MATN2: variants seen among roughly 807,000 people sequenced by gnomAD.
MATN2 encodes the protein matrilin-2.
A neutral mutation model predicts 103.2 loss-of-function variants in MATN2; 69 were observed. That is an observed-to-expected ratio of 0.67 (90% CI 0.55 to 0.82). The LOEUF (loss-of-function observed/expected upper bound fraction) is 0.82, where lower values mean the gene tolerates loss of function less well. MATN2 is among the 40% of genes least tolerant of loss of function. The pLI is 0.00. For missense variants in MATN2, 1,023 were observed against 1,211.5 expected (o/e 0.84, Z 2.31); for synonymous variants, 429 against 450.2 (o/e 0.95, Z 0.60).
intron 2 of MATN2, 114 bp from the exon 3 acceptor site, chr8:97,930,839 C>T (rs1810157534): frequency 1.5e-6 from 1 of 655,910 alleles, no homozygotes; most frequent in South Asian, 2.0e-5. Flanking sequence ...CCAGGCTGGT[C>T]TTGAATTCCT....
intron 2 of MATN2, among the ~76,000 whole-genome samples, chr8:97,924,477 A>G (rs17828957): frequency 0.033 from 5,075 of 152,098 alleles, 112 homozygotes; most frequent in Non-Finnish European, 0.041. Context: ...TCTGAAATCA[A>G]TTTTCCTGGG....
chr8:97,916,190 G>A (rs1022123524), intron 2 of MATN2, among the ~76,000 whole-genome samples: 2 of 151,754 alleles, frequency 1.3e-5, no homozygotes, highest in Admixed American at 6.6e-5. Flanking sequence ...ATGCCTCAGC[G>A]TCCCAAGTAG....
In MATN2 at chr8:97,952,916, A is replaced by ATTTT. The variant is rs71570276; in HGVS notation, c.836-8471_836-8468dup. 2.6e-3 allele frequency among the ~76,000 whole-genome samples: 250 copies of ATTTT among 96,100 alleles called. 6 individuals are homozygous for ATTTT. The highest frequency in any genetic ancestry group is 3.8e-3 in the African/African-American group (93 of 24,472). 63.0% of individuals were successfully genotyped at this position (96,100 alleles called of 152,430 possible). A position where few individuals can be genotyped will look rare whatever the true frequency, so the allele number is the denominator to read the frequency against. ...GGATCTAATATTCATGTTTGTAGGG[A>ATTTT]TTTTTTTTTTTTTTTTTTTTTTTTG... On this transcript the variant is annotated intron_variant, in intron 4 of 18. Coordinates refer to ENST00000254898, the MANE Select transcript of MATN2 (RefSeq NM_002380.5).
chr8:98,022,974 G>C (rs1813657728), intron 13 of MATN2, among the ~76,000 whole-genome samples: 1 of 152,198 alleles, frequency 6.6e-6, no homozygotes, highest in South Asian at 2.1e-4. Flanking sequence ...TATAATCCCA[G>C]CTACTCAAGA....
chr8:97,898,597 C>CAAAAAAA (rs1272617710), intron 2 of MATN2, among the ~76,000 whole-genome samples: 1 of 92,196 alleles, frequency 1.1e-5, no homozygotes, highest in East Asian at 3.3e-4. Context: ...AACTCCTTCT[C>CAAAAAAA]AAAAAAAAAA....
chr8:97,996,036 T>G (rs77348914), intron 7 of MATN2, among the ~76,000 whole-genome samples: 6,849 of 152,282 alleles, frequency 0.045, 501 homozygotes, highest in African/African-American at 0.15. Context: ...AGGGACTGGC[T>G]GCACCCAGGG....
In MATN2 at chr8:98,032,434, C is replaced by CT; in HGVS notation, c.2581+123dup. The CT allele has an allele frequency of 6.8e-6, 5 of 731,402 alleles. No homozygotes were observed. In the Admixed American group the frequency reaches 1.1e-4, roughly 16 times the overall value. 45.3% of individuals were successfully genotyped at this position (731,402 alleles called of 1,614,324 possible). On this transcript the variant is annotated intron_variant, in intron 16 of 18. Transcript: ENST00000254898. ...ATGTTCAAATTATGATAATGAAGGC[C>CT]TTTTTTCCCTCAAAAAGATAGTTAA... is the stretch of plus-strand genomic sequence containing the variant.
intron 4 of MATN2, 138 bp downstream of exon 4, chr8:97,942,037 T>C (rs1211566046): frequency 8.9e-7 from 1 of 1,119,338 alleles, no homozygotes; most frequent in Non-Finnish European, 1.3e-6. Context: ...AAATAAAGTT[T>C]GGTATTTTCT....
At chr8:97,897,731 T>C (rs1212246953) in intron 2 of MATN2, among the ~76,000 whole-genome samples, 1 of 152,232 alleles carries the variant, frequency 6.6e-6, no homozygotes, top group Non-Finnish European at 1.5e-5. Context: ...GGCGCTGTCA[T>C]GGCCGCCCTC....
chr8:97,887,982 C>T, intron 1 of MATN2, 93 bp from the exon 2 acceptor site: 1 of 1,260,058 alleles, frequency 7.9e-7, no homozygotes, highest in Non-Finnish European at 1.1e-6. Flanking sequence ...TGTTTGAACT[C>T]TGAAAAGGCG....
At chr8:97,970,225 C>A (rs562656336) in intron 5 of MATN2, among the ~76,000 whole-genome samples, 1 of 152,110 alleles carries the variant, frequency 6.6e-6, no homozygotes, top group Non-Finnish European at 1.5e-5. Context: ...GGGTAGTAAT[C>A]GTTGGGTCAT....
chr8:97,952,180 A>C (rs1810975155), intron 4 of MATN2: 1 of 152,210 alleles, frequency 6.6e-6, no homozygotes, highest in Admixed American at 6.5e-5. Flanking sequence ...CAGAGACCCC[A>C]TCGTTTACCC....
chr8:97,991,693 C>T (rs888635475), intron 6 of MATN2, among the ~76,000 whole-genome samples: 5 of 151,660 alleles, frequency 3.3e-5, no homozygotes, highest in Admixed American at 6.6e-5. Context: ...CTGCACTCCA[C>T]CCTGGGCAGC....
At chr8:98,009,138 A>T (rs1356040703) in intron 10 of MATN2, among the ~76,000 whole-genome samples, 2 of 152,348 alleles carry the variant, frequency 1.3e-5, no homozygotes, top group South Asian at 2.1e-4. Context: ...AACTTGTGAG[A>T]TAGTCAGATA....
intron 5 of MATN2, among the ~76,000 whole-genome samples, chr8:97,971,674 T>C (rs1306900245): frequency 6.6e-6 from 1 of 152,210 alleles, no homozygotes; most frequent in Non-Finnish European, 1.5e-5. Flanking sequence ...AACTGTCTTT[T>C]ATTTTGGGGT....
intron 3 of MATN2, among the ~76,000 whole-genome samples, chr8:97,938,332 G>A (rs983983930): frequency 1.3e-5 from 2 of 152,192 alleles, no homozygotes; most frequent in East Asian, 1.9e-4. Context: ...CTCACCATAC[G>A]ATTGTCAAAA....
intron 1 of MATN2, among the ~76,000 whole-genome samples, chr8:97,873,217 C>G (rs1048862522): frequency 2.6e-5 from 4 of 152,018 alleles, no homozygotes; most frequent in African/African-American, 9.7e-5. Flanking sequence ...GTAAGAAAAA[C>G]TATTTAGAAA....
At chr8:97,896,762 T>C (rs1315129183) in intron 2 of MATN2, among the ~76,000 whole-genome samples, 77 of 87,104 alleles carry the variant, frequency 8.8e-4, no homozygotes, top group Middle Eastern at 0.023. Context: ...GGCAACACAG[T>C]AGGGCTGGGC....
At chr8:97,905,546 G>A (rs1819139032) in intron 2 of MATN2, among the ~76,000 whole-genome samples, 1 of 152,136 alleles carries the variant, frequency 6.6e-6, no homozygotes, top group Non-Finnish European at 1.5e-5. Context: ...GTTGTAGCAT[G>A]TATCAGAACT....
Sources: allele counts gnomAD v4.1 joint callset (sites outside exome capture counted in the v4.1 genomes callset), GRCh38; gene constraint gnomAD v4.1.1; transcripts MANE v1.5; gene names NCBI Gene and HGNC (gene_info 2026-07-23, HGNC 2026-07-21).